PPARG: variants seen among roughly 807,000 people sequenced by gnomAD.
PPARG encodes peroxisome proliferator-activated receptor gamma.
PPARG carries 17 observed loss-of-function variants against 39.2 expected under a neutral mutation model. The ratio of observed to expected loss-of-function variants is 0.43; its 90% CI spans 0.30 to 0.65. PPARG has a LOEUF of 0.65. PPARG is among the 30% of genes least tolerant of loss of function. The pLI is 0.13. For synonymous variants in PPARG, 223 were observed against 215.7 expected (o/e 1.03, Z -0.30); for missense variants, 406 against 585.9 (o/e 0.69, Z 3.17).
chr3:12,421,738 G>T (rs147301898), intron 7 of PPARG, among the ~76,000 whole-genome samples: 1 of 152,206 alleles, frequency 6.6e-6, no homozygotes, highest in Non-Finnish European at 1.5e-5. Flanking sequence ...AGAAGCTGCC[G>T]ATATCACTAC....
rs573867842 is a variant in PPARG at position 12,337,634 on chromosome 3, G to A, written c.-9+25181G>A. ...TGCGACTTGCCTGAATTCATAAACC[G>A]AGTTAGTGGCGGAGCTGAAAGTCGA... On this transcript the variant is annotated intron_variant, in intron 2 of 7. Transcript: ENST00000651735. Among the ~76,000 whole-genome samples, 28 of 152,236 alleles carry A rather than the reference G, an allele frequency of 1.8e-4. No individual in the cohort carries two copies. The South Asian group carries it at 5.2e-3, about 28-fold the overall frequency.
Position 12,361,988 on chromosome 3 carries a change from A to T in PPARG, c.-8-17716A>T, listed in dbSNP as rs201590876. On this transcript the variant is annotated intron_variant, in intron 2 of 7. Coordinates refer to ENST00000651735, the MANE Select transcript of PPARG (RefSeq NM_138711.6). ...TATCCTTTCACTTATTTATTCTTTA[A>T]TTTTTTTAAATAGTATATTTGAGTT... Among the ~76,000 whole-genome samples, 16 of 152,208 alleles carry T rather than the reference A, an allele frequency of 1.1e-4. No homozygotes were observed. In the East Asian group the frequency reaches 3.1e-3, roughly 29 times the overall value.
chr3:12,331,257 G>C (rs1461950043), intron 2 of PPARG, among the ~76,000 whole-genome samples: 1 of 152,164 alleles, frequency 6.6e-6, no homozygotes, highest in African/African-American at 2.4e-5. Context: ...AATGAGAGCA[G>C]TTGCATAGGA....
At chr3:12,397,307 C>T (rs1175988297) in intron 5 of PPARG, among the ~76,000 whole-genome samples, 3 of 150,890 alleles carry the variant, frequency 2.0e-5, no homozygotes, top group Non-Finnish European at 2.9e-5. Flanking sequence ...CAAACAGCAG[C>T]TCTAGTGTAT....
intron 2 of PPARG, among the ~76,000 whole-genome samples, chr3:12,343,600 G>C (rs1417984505): frequency 6.6e-6 from 1 of 152,172 alleles, no homozygotes; most frequent in Non-Finnish European, 1.5e-5. Context: ...TCTAGTAATG[G>C]TCATGATTGT....
At chr3:12,414,710 G>A (rs2050999559) in intron 6 of PPARG, among the ~76,000 whole-genome samples, 1 of 151,894 alleles carries the variant, frequency 6.6e-6, no homozygotes, top group Non-Finnish European at 1.5e-5. Flanking sequence ...AAGAAAAAAA[G>A]AAAAAGGAAA....
chr3:12,378,503 T>G (rs2049501149), intron 2 of PPARG, among the ~76,000 whole-genome samples: 1 of 151,798 alleles, frequency 6.6e-6, no homozygotes, highest in African/African-American at 2.4e-5. Flanking sequence ...GAGAAGGAAA[T>G]CCTGTCATTT....
chr3:12,370,212 A>C (rs1169993474), intron 2 of PPARG, among the ~76,000 whole-genome samples: 1 of 151,584 alleles, frequency 6.6e-6, no homozygotes, highest in African/African-American at 2.4e-5. Flanking sequence ...TTTTGGCAAC[A>C]TTGTTCTATT....
At chr3:12,362,870 T>C (rs978355917) in intron 2 of PPARG, among the ~76,000 whole-genome samples, 5 of 152,038 alleles carry the variant, frequency 3.3e-5, no homozygotes, top group Non-Finnish European at 5.9e-5. Context: ...TCCTAAGAGG[T>C]TTTTTATTTA....
rs532616367 is a variant in PPARG, at chr3:12,387,091, T to A, written c.391-5523T>A. Among the ~76,000 whole-genome samples, 11 of 152,356 alleles carry A rather than the reference T, an allele frequency of 7.2e-5. No individual in the cohort carries two copies. In the East Asian group the frequency reaches 1.3e-3, roughly 19 times the overall value. On this transcript the variant is annotated intron_variant, in intron 4 of 7. Coordinates refer to ENST00000651735, the MANE Select transcript of PPARG (RefSeq NM_138711.6). ...TGCATAGTATTCTATGATGTATATGTGCCACATTTTCTTAATCCAGTCAAT... is the reference window on the plus strand; with the variant it reads ...TGCATAGTATTCTATGATGTATATGAGCCACATTTTCTTAATCCAGTCAAT...
intron 2 of PPARG, among the ~76,000 whole-genome samples, chr3:12,314,689 C>T (rs1327544203): frequency 6.6e-6 from 1 of 152,136 alleles, no homozygotes; most frequent in African/African-American, 2.4e-5. Context: ...GAGAATATTG[C>T]ATGACAATTA....
At chr3:12,371,227 T>C (rs1163469883) in intron 2 of PPARG, among the ~76,000 whole-genome samples, 2 of 152,120 alleles carry the variant, frequency 1.3e-5, no homozygotes, top group Non-Finnish European at 2.9e-5. Flanking sequence ...AGATGGAGAT[T>C]AGATATGAAG....
intron 2 of PPARG, among the ~76,000 whole-genome samples, chr3:12,320,235 T>A (rs2047501094): frequency 6.6e-6 from 1 of 152,240 alleles, no homozygotes; most frequent in Non-Finnish European, 1.5e-5. Flanking sequence ...TATATATGTA[T>A]GTATGTATGC....
At position 12,357,900 on chromosome 3, in the gene PPARG, G is replaced by A. The variant is rs531930005; in HGVS notation, c.-8-21804G>A. On this transcript the variant is annotated intron_variant, in intron 2 of 7. Transcript: ENST00000651735. ...ATGTTTTATTCTATATTCCACAAAT[G>A]CCAAACACATAATAAGTATAATCAG... 3.3e-5 allele frequency among the ~76,000 whole-genome samples: 5 copies of A among 152,088 alleles called. No individual in the cohort carries two copies. The East Asian group carries it at 5.8e-4, about 18-fold the overall frequency.
At chr3:12,391,961 T>G (rs1381428394) in intron 4 of PPARG, among the ~76,000 whole-genome samples, 2 of 152,174 alleles carry the variant, frequency 1.3e-5, no homozygotes, top group Non-Finnish European at 2.9e-5. Flanking sequence ...GGCCTCAAAT[T>G]GACATATTTG....
rs372004998 is a variant in PPARG at position 12,379,843 on chromosome 3, T to A, written c.132T>A (p.Ser44=). Residue 44 remains serine (S), a synonymous_variant, in exon 3 of 8, where the codon TCT becomes TCA. Coordinates refer to ENST00000651735, the MANE Select transcript of PPARG (RefSeq NM_138711.6). ...CTACTGTTGACTTCTCCAGCATTTC[T>A]ACTCCACATTACGAAGACATTCCAT... ...PFTTVDFSSI[S]TPHYEDIPFT... 4.5e-5 allele frequency: 72 copies of A among 1,613,860 alleles called. No homozygotes were observed. Among genetic ancestry groups the A allele is most frequent in the Non-Finnish European group, 5.5e-5 (65 of 1,179,868 alleles).
At position 12,395,540 on chromosome 3, in the gene PPARG, C is replaced by G. The variant is rs35125975; in HGVS notation, c.529+2788C>G. On this transcript the variant is annotated intron_variant, in intron 5 of 7. Transcript: ENST00000651735. ...AACTTTCATTTTCATTGTGACACAT[C>G]GTCTACATGTTGTAGAAGAACATAG... Among the ~76,000 whole-genome samples the G allele has an allele frequency of 2.0e-3, 304 of 152,226 alleles. 8 individuals carry two copies. The East Asian group carries it at 0.053, about 26-fold the overall frequency.
At chr3:12,353,587 T>C (rs1275412849) in intron 2 of PPARG, among the ~76,000 whole-genome samples, 3 of 152,182 alleles carry the variant, frequency 2.0e-5, no homozygotes, top group African/African-American at 7.2e-5. Context: ...TGCAAATGGT[T>C]GGGTACTGCT....
intron 7 of PPARG, among the ~76,000 whole-genome samples, chr3:12,428,427 C>T (rs892608939): frequency 6.6e-6 from 1 of 152,238 alleles, no homozygotes; most frequent in Non-Finnish European, 1.5e-5. Context: ...AGCAGCCTAC[C>T]CCAGCAGAGA....
Sources: gnomAD v4.1 joint callset for allele counts (sites outside exome capture counted in the v4.1 genomes callset) on GRCh38, gnomAD v4.1.1 for gene constraint, MANE v1.5 for transcripts, NCBI Gene and HGNC (gene_info 2026-07-23, HGNC 2026-07-21) for gene names.